Variants in DPP10 observed in about 807,000 individuals in gnomAD.
The protein encoded by DPP10 is inactive dipeptidyl peptidase 10.
In DPP10, 33 loss-of-function variants were observed where a neutral mutation model predicts 120.9. The observed-to-expected ratio is 0.27, with a 90% CI of 0.21 to 0.37. DPP10 has a LOEUF of 0.37. DPP10 is among the 10% of genes least tolerant of loss of function. The probability of loss-of-function intolerance (pLI) is 1.00; values close to 1 mark genes in which losing one functional copy is unlikely to be tolerated. For synonymous variants in DPP10, 337 were observed against 326.1 expected (o/e 1.03, Z -0.36); for missense variants, 816 against 942.8 (o/e 0.87, Z 1.76).
chr2:115,585,938 A>C (rs2082261825), intron 5 of DPP10, among the ~76,000 whole-genome samples: 1 of 152,352 alleles, frequency 6.6e-6, no homozygotes, highest in African/African-American at 2.4e-5. Flanking sequence ...TTACAATCAC[A>C]TAATAATCCA....
At chr2:115,037,273 G>C (rs759422314) in intron 1 of DPP10, among the ~76,000 whole-genome samples, 1 of 152,144 alleles carries the variant, frequency 6.6e-6, no homozygotes, top group Non-Finnish European at 1.5e-5. Context: ...GAAAGGAGGA[G>C]AGAAACAACG....
At chr2:115,002,444 T>C (rs1701505993) in intron 1 of DPP10, among the ~76,000 whole-genome samples, 1 of 152,216 alleles carries the variant, frequency 6.6e-6, no homozygotes, top group Non-Finnish European at 1.5e-5. Context: ...GAAATACTAT[T>C]CTGGACATAG....
At chr2:115,250,581 C>T (rs953981606) in intron 1 of DPP10, among the ~76,000 whole-genome samples, 4 of 152,062 alleles carry the variant, frequency 2.6e-5, no homozygotes, top group African/African-American at 9.7e-5. Flanking sequence ...GCAGCCTCAG[C>T]TCATAGTACG....
chr2:115,434,709 C>T (rs2071323871), intron 3 of DPP10, among the ~76,000 whole-genome samples: 1 of 151,644 alleles, frequency 6.6e-6, no homozygotes, highest in Non-Finnish European at 1.5e-5. Context: ...TCTCTTCTTG[C>T]TTCTTTGAAA....
intron 1 of DPP10, among the ~76,000 whole-genome samples, chr2:115,126,082 A>G (rs1183812294): frequency 6.6e-6 from 1 of 152,166 alleles, no homozygotes; most frequent in Non-Finnish European, 1.5e-5. Context: ...CATCATTGCT[A>G]CTGACAAAAA....
intron 1 of DPP10, among the ~76,000 whole-genome samples, chr2:114,624,431 C>T (rs1172297854): frequency 1.3e-5 from 2 of 151,666 alleles, no homozygotes; most frequent in African/African-American, 4.8e-5. Context: ...TAAAGTTGCC[C>T]CTAAATTATC....
intron 1 of DPP10, among the ~76,000 whole-genome samples, chr2:114,907,120 A>G (rs1206578476): frequency 6.7e-6 from 1 of 150,280 alleles, no homozygotes. Flanking sequence ...ACAGTTTTTT[A>G]TAGTATTCAC....
chr2:115,782,033 C>T (rs1682823795), intron 16 of DPP10, among the ~76,000 whole-genome samples: 1 of 151,846 alleles, frequency 6.6e-6, no homozygotes, highest in Admixed American at 6.6e-5. Context: ...GCTTTGTGAA[C>T]ATCAGTGGCT....
chr2:114,707,795 A>G (rs2105847999), intron 1 of DPP10, among the ~76,000 whole-genome samples: 2 of 152,288 alleles, frequency 1.3e-5, no homozygotes, highest in South Asian at 4.1e-4. Context: ...GTGGAGCGAC[A>G]GATTCTACTT....
At chr2:115,140,243 G>C (rs938908298) in intron 1 of DPP10, among the ~76,000 whole-genome samples, 2 of 152,198 alleles carry the variant, frequency 1.3e-5, no homozygotes, top group Non-Finnish European at 2.9e-5. Flanking sequence ...CAGAGATGTA[G>C]AGGAAGTAAA....
chr2:115,386,266 G>A (rs559401355), intron 3 of DPP10, among the ~76,000 whole-genome samples: 3 of 152,198 alleles, frequency 2.0e-5, no homozygotes, highest in African/African-American at 7.2e-5. Flanking sequence ...TATAGGGGAG[G>A]GAAAATTTTC....
chr2:114,540,199 A>C (rs1341786447), intron 1 of DPP10, among the ~76,000 whole-genome samples: 2 of 152,192 alleles, frequency 1.3e-5, no homozygotes, highest in Non-Finnish European at 1.5e-5. Flanking sequence ...ATCATTTCCA[A>C]ATGTGGACCA....
chr2:115,684,798 G>T (rs1472071568), intron 5 of DPP10, among the ~76,000 whole-genome samples: 1 of 151,848 alleles, frequency 6.6e-6, no homozygotes, highest in Non-Finnish European at 1.5e-5. Context: ...GTGAAAAACA[G>T]TTAAAGGAAA....
intron 1 of DPP10, chr2:115,143,935 C>G (rs527652024): frequency 2.0e-5 from 3 of 151,902 alleles, no homozygotes; most frequent in South Asian, 2.1e-4. Context: ...TTTTTTGTAT[C>G]CTTGTCCTAG....
At chr2:115,022,789 G>T (rs1231949629) in intron 1 of DPP10, among the ~76,000 whole-genome samples, 1 of 152,098 alleles carries the variant, frequency 6.6e-6, no homozygotes, top group Admixed American at 6.6e-5. Flanking sequence ...CATGGTACTT[G>T]TATGAAAAAG....
intron 1 of DPP10, among the ~76,000 whole-genome samples, chr2:114,659,127 G>T (rs1238203328): frequency 6.6e-6 from 1 of 152,110 alleles, no homozygotes; most frequent in Non-Finnish European, 1.5e-5. Flanking sequence ...CCAGCAATAA[G>T]CCAGGTGTAA....
chr2:115,629,653 A>G (rs1327992496), intron 5 of DPP10, among the ~76,000 whole-genome samples: 4 of 152,182 alleles, frequency 2.6e-5, no homozygotes. Flanking sequence ...CATTTATTAA[A>G]TAGGGAATCC....
intron 1 of DPP10, among the ~76,000 whole-genome samples, chr2:115,023,373 C>A (rs768417197): frequency 6.6e-6 from 1 of 151,888 alleles, no homozygotes; most frequent in African/African-American, 2.4e-5. Context: ...TACAAATGGC[C>A]GACAAGCATA....
intron 5 of DPP10, chr2:115,526,418 G>A (rs1323335966): frequency 6.6e-6 from 1 of 152,596 alleles, no homozygotes; most frequent in East Asian, 1.9e-4. Context: ...TTCTTTACTG[G>A]TATTTGATTG....
Sources: gnomAD v4.1 joint callset for allele counts (sites outside exome capture counted in the v4.1 genomes callset) on GRCh38, gnomAD v4.1.1 for gene constraint, MANE v1.5 for transcripts, NCBI Gene and HGNC (gene_info 2026-07-23, HGNC 2026-07-21) for gene names.